The following TFEC variants were observed in gnomAD, a reference collection of about 807,000 sequenced individuals.
TFEC encodes the protein transcription factor EC.
A neutral mutation model predicts 41.6 loss-of-function variants in TFEC; 31 were observed. That is an observed-to-expected ratio of 0.74 (90% confidence interval 0.56 to 1.01). The LOEUF (loss-of-function observed/expected upper bound fraction) is 1.01, where lower values mean the gene tolerates loss of function less well. TFEC is among the 50% of genes least tolerant of loss of function. The pLI, the probability that TFEC is intolerant of heterozygous loss-of-function variation, is 0.00. For missense variants in TFEC, 402 were observed against 404.1 expected, an observed-to-expected ratio of 0.99 and a Z score of 0.04; for synonymous variants, 143 against 140.6, an observed-to-expected ratio of 1.02 and a Z score of -0.12.
At chr7:116,047,537 G>A (rs1259238057) in intron 3 of TFEC, among the ~76,000 whole-genome samples, 1 of 152,180 alleles carries the variant, frequency 6.6e-6, no homozygotes, top group Non-Finnish European at 1.5e-5. Context: ...CGCAGCTCAA[G>A]GAGGCCTGCC....
chr7:116,063,673 T>C (rs890492048), intron 3 of TFEC, among the ~76,000 whole-genome samples: 46 of 152,174 alleles, frequency 3.0e-4, no homozygotes, highest in African/African-American at 1.1e-3. Flanking sequence ...ATCTTGATTG[T>C]GGTGACAGTT....
intron 2 of TFEC, among the ~76,000 whole-genome samples, chr7:115,975,198 A>C (rs532839020): frequency 6.8e-6 from 1 of 147,672 alleles, no homozygotes; most frequent in East Asian, 1.9e-4. Context: ...TAAAGTTTAT[A>C]TGTTTAAAAA....
chr7:116,065,462 T>C (rs1267112068), intron 3 of TFEC, among the ~76,000 whole-genome samples: 1 of 152,080 alleles, frequency 6.6e-6, no homozygotes, highest in African/African-American at 2.4e-5. Context: ...GAAATGAAAA[T>C]ATAGAAAGAT....
intron 4 of TFEC, 120 bp downstream of exon 4, chr7:115,956,559 G>A: frequency 1.9e-6 from 1 of 531,796 alleles, no homozygotes; most frequent in South Asian, 3.9e-5. Context: ...TTTACTGTCT[G>A]CCTTCTTTTT....
intron 1 of TFEC, among the ~76,000 whole-genome samples, chr7:116,141,468 C>T (rs554887049): frequency 1.3e-5 from 2 of 152,276 alleles, no homozygotes; most frequent in South Asian, 4.1e-4. Context: ...TCTAAACAAG[C>T]CAACTCATTA....
chr7:115,985,703 AATTTTTCAGTCATAT>A (rs1167098191), intron 1 of TFEC, among the ~76,000 whole-genome samples: 14 of 152,232 alleles, frequency 9.2e-5, no homozygotes, highest in African/African-American at 3.1e-4. Context: ...AGCATAAAAT[AATTTTTCAGTCATAT>A]AAAAAAGATT....
chr7:115,953,064 G>C (rs940738283), intron 5 of TFEC, among the ~76,000 whole-genome samples: 21 of 151,926 alleles, frequency 1.4e-4, no homozygotes, highest in African/African-American at 4.8e-4. Context: ...CTGACCAATG[G>C]GCAGTTGTTT....
At chr7:116,123,830 T>C (rs1798157380) in intron 1 of TFEC, among the ~76,000 whole-genome samples, 1 of 152,198 alleles carries the variant, frequency 6.6e-6, no homozygotes, top group African/African-American at 2.4e-5. Flanking sequence ...ATTTAATTAT[T>C]GTCTAATTGT....
chr7:116,011,851 TC>T (rs1441316113), intron 1 of TFEC, among the ~76,000 whole-genome samples: 5 of 152,108 alleles, frequency 3.3e-5, no homozygotes, highest in African/African-American at 4.8e-5. Context: ...TGGAAATTCC[TC>T]CTCTCTCTCT....
chr7:116,089,221 G>A (rs1437298800), intron 3 of TFEC, among the ~76,000 whole-genome samples: 1 of 152,082 alleles, frequency 6.6e-6, no homozygotes, highest in Non-Finnish European at 1.5e-5. Flanking sequence ...TCATATGTCA[G>A]CTTGAAAATA....
chr7:116,055,933 T>C (rs1796419268), intron 3 of TFEC, among the ~76,000 whole-genome samples: 1 of 152,144 alleles, frequency 6.6e-6, no homozygotes, highest in African/African-American at 2.4e-5. Flanking sequence ...ATTAAAATTA[T>C]AATTAACAGC....
intron 3 of TFEC, among the ~76,000 whole-genome samples, chr7:116,087,745 C>T (rs1481926168): frequency 6.6e-6 from 1 of 151,972 alleles, no homozygotes; most frequent in African/African-American, 2.4e-5. Context: ...AAGAAAAAAA[C>T]CTACTATTAA....
At chr7:116,102,914 G>T (rs988746474) in intron 3 of TFEC, among the ~76,000 whole-genome samples, 1 of 152,152 alleles carries the variant, frequency 6.6e-6, no homozygotes, top group Non-Finnish European at 1.5e-5. Flanking sequence ...GGATAATTTT[G>T]CCTGTGATAG....
chr7:116,126,767 A>ATT (rs1415630823), intron 1 of TFEC, among the ~76,000 whole-genome samples: 1 of 152,172 alleles, frequency 6.6e-6, no homozygotes, highest in East Asian at 1.9e-4. Flanking sequence ...TGAGGGAGGA[A>ATT]ACAAAAAAGG....
chr7:115,999,122 T>C (rs1794487815), intron 1 of TFEC, among the ~76,000 whole-genome samples: 1 of 151,962 alleles, frequency 6.6e-6, no homozygotes, highest in African/African-American at 2.4e-5. Flanking sequence ...TTTAAAAATA[T>C]TGATATTATG....
chr7:116,134,793 T>G (rs914640831), intron 1 of TFEC, among the ~76,000 whole-genome samples: 1 of 152,010 alleles, frequency 6.6e-6, no homozygotes, highest in African/African-American at 2.4e-5. Context: ...TGTGGTAGAG[T>G]GGAAATAAAT....
chr7:115,953,651 T>C (rs1357562505), intron 5 of TFEC, among the ~76,000 whole-genome samples: 1 of 151,988 alleles, frequency 6.6e-6, no homozygotes, highest in East Asian at 1.9e-4. Context: ...CCACTCATAA[T>C]CTGGACCAAA....
chr7:116,021,737 G>A (rs1380840200), intron 1 of TFEC, among the ~76,000 whole-genome samples: 1 of 152,182 alleles, frequency 6.6e-6, no homozygotes, highest in Admixed American at 6.6e-5. Context: ...GCCAAAATCT[G>A]TCAAAATGGT....
intron 1 of TFEC, among the ~76,000 whole-genome samples, chr7:116,112,625 A>G (rs1426720902): frequency 6.6e-6 from 1 of 151,986 alleles, no homozygotes; most frequent in Non-Finnish European, 1.5e-5. Context: ...GTTTCTAGAA[A>G]GAGACTAATG....
Sources: gnomAD v4.1 joint callset for allele counts (sites outside exome capture counted in the v4.1 genomes callset) on GRCh38, gnomAD v4.1.1 for gene constraint, MANE v1.5 for transcripts, NCBI Gene and HGNC (gene_info 2026-07-23, HGNC 2026-07-21) for gene names.